The following SERINC1 variants were observed in gnomAD, a reference collection of about 807,000 sequenced individuals.
SERINC1 encodes tumor differentially expressed protein 2.
In SERINC1, 38 loss-of-function variants were observed where a neutral mutation model predicts 52.9. That is an observed-to-expected ratio of 0.72 (90% CI 0.55 to 0.94). The LOEUF is 0.94. SERINC1 is among the 40% of genes least tolerant of loss of function. SERINC1 has a pLI of 0.00. For synonymous variants in SERINC1, 198 were observed against 183.1 expected (o/e 1.08, Z -0.66); for missense variants, 471 against 533.9 (o/e 0.88, Z 1.16).
chr6:122,456,108 A>G (rs1392010039), intron 3 of SERINC1, among the ~76,000 whole-genome samples: 1 of 152,182 alleles, frequency 6.6e-6, no homozygotes, highest in Non-Finnish European at 1.5e-5. Flanking sequence ...GGGTTGTCCA[A>G]TACAACCAAC....
chr6:122,454,232 T>A lies in SERINC1; in HGVS notation c.372-2A>T, dbSNP rs780209965. On this transcript the variant is annotated splice_acceptor_variant, in intron 3 of 9. Transcript: ENST00000339697. LOFTEE classifies it high-confidence loss of function. Reference sequence around the variant, plus strand: ...GCAGCAAATTTAAAGAACCAAAATCTAAAACAAAAAGAAATATAATTTTTT... The same window carrying A: ...GCAGCAAATTTAAAGAACCAAAATCAAAAACAAAAAGAAATATAATTTTTT... The A allele has an allele frequency of 6.7e-7, 1 of 1,497,706 alleles. No individual in the cohort carries two copies. The highest frequency in any genetic ancestry group is 9.1e-7 in the Non-Finnish European group (1 of 1,093,670). The allele number at this position is 1,497,706 out of a possible 1,614,324, so 92.8% of individuals were successfully genotyped here.
chr6:122,460,763 T>C (rs1192693983), intron 1 of SERINC1, among the ~76,000 whole-genome samples: 1 of 152,160 alleles, frequency 6.6e-6, no homozygotes, highest in Non-Finnish European at 1.5e-5. Context: ...AATATCAACC[T>C]GGAAATGATA....
chr6:122,460,957 A>G (rs1443759050), intron 1 of SERINC1, among the ~76,000 whole-genome samples: 1 of 152,200 alleles, frequency 6.6e-6, no homozygotes, highest in East Asian at 1.9e-4. Context: ...TTGACAAGAC[A>G]GAAGAAAAGA....
chr6:122,463,447 T>G (rs921842280), intron 1 of SERINC1, among the ~76,000 whole-genome samples: 1 of 152,072 alleles, frequency 6.6e-6, no homozygotes, highest in African/African-American at 2.4e-5. Flanking sequence ...TACTTGCAAG[T>G]GAGGTACATG....
At chr6:122,464,263 T>C (rs987011365) in intron 1 of SERINC1, among the ~76,000 whole-genome samples, 6 of 152,168 alleles carry the variant, frequency 3.9e-5, no homozygotes, top group Non-Finnish European at 8.8e-5. Flanking sequence ...ATGTAAATTA[T>C]ACCTTAACTA....
intron 1 of SERINC1, among the ~76,000 whole-genome samples, chr6:122,465,698 T>C (rs765816040): frequency 1.1e-4 from 17 of 152,046 alleles, no homozygotes; most frequent in African/African-American, 2.2e-4. Context: ...TATGAACAAA[T>C]AGCTACTGAC....
intron 7 of SERINC1, among the ~76,000 whole-genome samples, chr6:122,451,301 A>C (rs1298631698): frequency 6.6e-6 from 1 of 152,210 alleles, no homozygotes; most frequent in Non-Finnish European, 1.5e-5. Context: ...GTACTTTCAA[A>C]TTAAGGAATG....
chr6:122,446,646 C>T (rs1774808721), intron 9 of SERINC1, 128 bp downstream of exon 9: 1 of 637,144 alleles, frequency 1.6e-6, no homozygotes, highest in Admixed American at 2.8e-5. Context: ...TCTCACTATT[C>T]ATTTAGCTGT....
chr6:122,469,609 T>C (rs1005248398), intron 1 of SERINC1, among the ~76,000 whole-genome samples: 22 of 152,174 alleles, frequency 1.4e-4, no homozygotes, highest in African/African-American at 4.6e-4. Flanking sequence ...CAGGCTGGAG[T>C]GCAGTGGCAT....
At chr6:122,451,791 A>ATATT (rs1554211261) in intron 6 of SERINC1, 37 bp from the exon 7 acceptor site, 1 of 479,046 alleles carries the variant, frequency 2.1e-6, no homozygotes. Flanking sequence ...ATATATATAT[A>ATATT]TATAGCAACA....
At chr6:122,456,771 G>C (rs1188217773) in intron 2 of SERINC1, 121 bp from the exon 3 acceptor site, 3 of 676,894 alleles carry the variant, frequency 4.4e-6, no homozygotes, top group Non-Finnish European at 4.7e-6. Context: ...TACAATTTAT[G>C]ATGAATATGT....
In SERINC1 at chr6:122,443,591, A is replaced by G. The variant is rs947786989; in HGVS notation, c.*1453T>C. The stretch of plus-strand genomic sequence containing the variant: ...AGGTTGAAAGGTTACAATAATCTAT[A>G]TATTTCAATTACATGGCAGTAAATA... On this transcript the variant is annotated 3_prime_UTR_variant, in exon 10 of 10. Coordinates refer to ENST00000339697, the MANE Select transcript of SERINC1 (RefSeq NM_020755.4). The G allele has an allele frequency of 6.6e-6, 1 of 152,216 alleles. No individual in the cohort carries two copies. The highest frequency in any genetic ancestry group is 1.5e-5 in the Non-Finnish European group (1 of 68,034). The allele number at this position is 152,216 out of a possible 1,614,324, so 9.4% of individuals were successfully genotyped here. A position where few individuals can be genotyped will look rare whatever the true frequency, so the allele number is the denominator to read the frequency against.
intron 1 of SERINC1, among the ~76,000 whole-genome samples, chr6:122,471,053 C>T (rs1025802008): frequency 2.0e-5 from 3 of 150,660 alleles, no homozygotes; most frequent in Non-Finnish European, 4.4e-5. Context: ...TGTCATTAGG[C>T]ACAAGGCATG....
chr6:122,445,204 A>T (rs1774767886), intron 9 of SERINC1, 25 bp from the exon 10 acceptor site: 1 of 1,609,840 alleles, frequency 6.2e-7, no homozygotes, highest in African/African-American at 1.3e-5. Flanking sequence ...AAAATTATTA[A>T]AAAGGGGCAA....
rs1303627528 is a variant in SERINC1 at position 122,461,064 on chromosome 6, A to G, written c.40-2383T>C. Among the ~76,000 whole-genome samples, 3 of 152,186 alleles carry G rather than the reference A, an allele frequency of 2.0e-5. No homozygotes were observed. The East Asian group carries it at 5.8e-4, about 29-fold the overall frequency. ...TCAGAACATTGTGAGACAACTTTAA[A>G]TAGCCTAATATAAGTGAAATTAGAG... On this transcript the variant is annotated intron_variant, in intron 1 of 9. Coordinates refer to ENST00000339697, the MANE Select transcript of SERINC1 (RefSeq NM_020755.4).
At chr6:122,471,633 C>G (rs1345213573) in intron 1 of SERINC1, 66 bp downstream of exon 1, 2 of 1,606,100 alleles carry the variant, frequency 1.2e-6, no homozygotes, top group Non-Finnish European at 1.7e-6. Flanking sequence ...CACCCAGCCC[C>G]GGCTCGGATC....
Position 122,453,794 on chromosome 6 carries a change from C to G in SERINC1, c.565G>C (p.Gly189Arg). 6.2e-7 allele frequency: 1 copy of G among 1,607,374 alleles called. No individual in the cohort carries two copies. Among genetic ancestry groups the G allele is most frequent in the African/African-American group, 1.3e-5 (1 of 74,884 alleles). ...NESWVEKMEE[G>R]NSRCWYAALL... The stretch of plus-strand genomic sequence containing the variant: ...CCTGCATACCAACATCTCGAGTTCC[C>G]TTCTTCCATTTTTTCAACCCACGAT... Residue 189 changes from glycine (G) to arginine (R), a missense_variant, in exon 5 of 10, where the codon GGG becomes CGG. Physicochemically the swap from Gly to Arg is moderately radical, Grantham distance 125 (BLOSUM62 -2). Transcript: ENST00000339697.
At chr6:122,465,791 C>T (rs913669249) in intron 1 of SERINC1, among the ~76,000 whole-genome samples, 7 of 151,922 alleles carry the variant, frequency 4.6e-5, no homozygotes, top group African/African-American at 1.7e-4. Flanking sequence ...TATAGGCAGA[C>T]ATAAAAGCAT....
intron 1 of SERINC1, among the ~76,000 whole-genome samples, chr6:122,468,610 T>G (rs957236937): frequency 6.6e-6 from 1 of 152,254 alleles, no homozygotes; most frequent in African/African-American, 2.4e-5. Flanking sequence ...ATGCTGCCAT[T>G]CCTAAGAATA....
Sources: allele counts gnomAD v4.1 joint callset (sites outside exome capture counted in the v4.1 genomes callset), GRCh38; gene constraint gnomAD v4.1.1; transcripts MANE v1.5; gene names NCBI Gene and HGNC (gene_info 2026-07-23, HGNC 2026-07-21).